Variants in MARCHF1 observed in about 807,000 individuals in gnomAD.
The protein encoded by MARCHF1 is membrane associated ring-CH-type finger 1.
MARCHF1 carries 40 observed loss-of-function variants against 54.2 expected under a neutral mutation model. The observed-to-expected ratio is 0.74, with a 90% CI of 0.57 to 0.96. The LOEUF is 0.96. MARCHF1 is among the 40% of genes least tolerant of loss of function. The pLI is 0.00. For missense variants in MARCHF1, 586 were observed against 656.5 expected (o/e 0.89, Z 1.17); for synonymous variants, 236 against 236.3 (o/e 1.00, Z 0.01).
chr4:163,859,371 T>A (rs555014679), intron 3 of MARCHF1, among the ~76,000 whole-genome samples: 1 of 151,598 alleles, frequency 6.6e-6, no homozygotes, highest in Non-Finnish European at 1.5e-5. Context: ...AAAGCTTTTT[T>A]TTTTTTTTTT....
intron 5 of MARCHF1, among the ~76,000 whole-genome samples, chr4:163,625,133 C>A (rs566902392): frequency 6.6e-6 from 1 of 152,140 alleles, no homozygotes; most frequent in Non-Finnish European, 1.5e-5. Context: ...CACACCCATT[C>A]TTTTATTTTT....
Position 163,818,845 on chromosome 4 carries a change from A to C in MARCHF1, c.111+35176T>G, listed in dbSNP as rs370693026. Among the ~76,000 whole-genome samples, 19 of 152,180 alleles carry C rather than the reference A, an allele frequency of 1.2e-4. 1 individual carries two copies. The highest frequency in any genetic ancestry group is 4.6e-4 in the African/African-American group (19 of 41,528). Reference sequence around the variant, plus strand: ...TGCCATTGAGTTTGCTCTCCTTTAAAGTTCTCATATGATCACTTCTCTTTT... The same window carrying C: ...TGCCATTGAGTTTGCTCTCCTTTAACGTTCTCATATGATCACTTCTCTTTT... On this transcript the variant is annotated intron_variant, in intron 4 of 9. Transcript: ENST00000514618.
intron 4 of MARCHF1, among the ~76,000 whole-genome samples, chr4:163,835,013 G>A (rs56751562): frequency 6.6e-6 from 1 of 151,916 alleles, no homozygotes; most frequent in Non-Finnish European, 1.5e-5. Context: ...CATACTAGGA[G>A]CTGGGACTAA....
intron 8 of MARCHF1, chr4:163,585,495 G>T: frequency 3.5e-6 from 1 of 285,916 alleles, no homozygotes; most frequent in Non-Finnish European, 6.5e-6. Flanking sequence ...TATCTATTAC[G>T]TGCACACACT....
intron 5 of MARCHF1, among the ~76,000 whole-genome samples, chr4:163,677,615 C>A (rs754958104): frequency 7.9e-5 from 12 of 152,164 alleles, no homozygotes; most frequent in Non-Finnish European, 1.5e-4. Context: ...TATTTTTCCC[C>A]ATACTTCTCT....
At chr4:164,288,457 GTTA>G (rs1300146403) in intron 1 of MARCHF1, among the ~76,000 whole-genome samples, 1 of 152,006 alleles carries the variant, frequency 6.6e-6, no homozygotes, top group African/African-American at 2.4e-5. Flanking sequence ...ATTCAATTCT[GTTA>G]TTGTGTTGTA....
At chr4:164,106,775 A>T (rs534769948) in intron 2 of MARCHF1, among the ~76,000 whole-genome samples, 13 of 150,236 alleles carry the variant, frequency 8.7e-5, no homozygotes, top group East Asian at 5.8e-4. Context: ...ATAAAAATAA[A>T]AAATAAAAAA....
chr4:163,922,360 T>G (rs1751450211), intron 3 of MARCHF1, among the ~76,000 whole-genome samples: 1 of 152,202 alleles, frequency 6.6e-6, no homozygotes, highest in East Asian at 1.9e-4. Flanking sequence ...ACTTAAAGTA[T>G]AATAATAATA....
chr4:163,803,746 GA>G (rs548705167), intron 4 of MARCHF1, among the ~76,000 whole-genome samples: 26 of 145,784 alleles, frequency 1.8e-4, no homozygotes, highest in East Asian at 4.0e-4. Context: ...ATTTGGAGAG[GA>G]AAAAAAAAAG....
intron 4 of MARCHF1, among the ~76,000 whole-genome samples, chr4:163,820,174 T>G (rs562780695): frequency 5.9e-5 from 9 of 152,228 alleles, no homozygotes; most frequent in African/African-American, 1.9e-4. Flanking sequence ...ATAGTTTTTT[T>G]GTGAGGACGG....
chr4:163,588,339 T>C (rs939124357), intron 7 of MARCHF1, among the ~76,000 whole-genome samples: 2 of 152,214 alleles, frequency 1.3e-5, no homozygotes, highest in Non-Finnish European at 2.9e-5. Context: ...ACTGGACTTG[T>C]TACACTTTGT....
intron 2 of MARCHF1, among the ~76,000 whole-genome samples, chr4:164,078,292 A>C (rs1423422666): frequency 1.3e-5 from 2 of 151,970 alleles, no homozygotes; most frequent in African/African-American, 2.4e-5. Context: ...AAAACCAAAC[A>C]CCGCATGTTC....
intron 1 of MARCHF1, among the ~76,000 whole-genome samples, chr4:164,209,382 C>T (rs955238668): frequency 2.6e-5 from 4 of 152,142 alleles, no homozygotes; most frequent in East Asian, 1.9e-4. Context: ...CAGGGAGGTT[C>T]TTATGGCCCA....
At chr4:164,035,693 T>C (rs1352857863) in intron 2 of MARCHF1, among the ~76,000 whole-genome samples, 1 of 150,634 alleles carries the variant, frequency 6.6e-6, no homozygotes, top group Non-Finnish European at 1.5e-5. Flanking sequence ...AAAATAAATG[T>C]TTTTAATAAG....
chr4:163,541,547 G>A (rs1738723704), intron 9 of MARCHF1, among the ~76,000 whole-genome samples: 1 of 151,930 alleles, frequency 6.6e-6, no homozygotes, highest in Non-Finnish European at 1.5e-5. Flanking sequence ...TCATCGCAGG[G>A]GAAAGAGAGA....
intron 4 of MARCHF1, among the ~76,000 whole-genome samples, chr4:163,776,056 G>A (rs1308050703): frequency 6.6e-6 from 1 of 152,106 alleles, no homozygotes; most frequent in Non-Finnish European, 1.5e-5. Context: ...ATCCTATGAG[G>A]AGATGGAGAG....
intron 7 of MARCHF1, among the ~76,000 whole-genome samples, chr4:163,598,265 A>T (rs1740837244): frequency 6.6e-6 from 1 of 152,116 alleles, no homozygotes; most frequent in African/African-American, 2.4e-5. Context: ...AACACTCATC[A>T]CTGTCTGTTG....
intron 3 of MARCHF1, among the ~76,000 whole-genome samples, chr4:163,923,136 G>A (rs1306886919): frequency 1.3e-5 from 2 of 151,506 alleles, no homozygotes; most frequent in Non-Finnish European, 3.0e-5. Flanking sequence ...AACTTCACAG[G>A]TAAAAAATAC....
At chr4:164,154,700 G>C (rs1367547) in intron 1 of MARCHF1, among the ~76,000 whole-genome samples, 29,036 of 152,164 alleles carry the variant, frequency 0.19, 4,420 homozygotes, top group African/African-American at 0.41. Context: ...GCCCAAGTGG[G>C]TGTGTGTTAC....
Sources: gnomAD v4.1 joint callset for allele counts (sites outside exome capture counted in the v4.1 genomes callset) on GRCh38, gnomAD v4.1.1 for gene constraint, MANE v1.5 for transcripts, NCBI Gene and HGNC (gene_info 2026-07-23, HGNC 2026-07-21) for gene names.